Variants in MUC5B observed in about 807,000 individuals in gnomAD.
MUC5B encodes mucin 5B, oligomeric mucus/gel-forming, also known as mucin-5B.
MUC5B carries 116 observed loss-of-function variants against 376.9 expected under a neutral mutation model. The ratio of observed to expected loss-of-function variants is 0.31; its 90% CI spans 0.26 to 0.36. The LOEUF (loss-of-function observed/expected upper bound fraction) is 0.36, where lower values mean the gene tolerates loss of function less well. MUC5B is among the 10% of genes least tolerant of loss of function. The probability of loss-of-function intolerance (pLI) is 1.00; values close to 1 mark genes in which losing one functional copy is unlikely to be tolerated. For synonymous variants in MUC5B, 3,517 were observed against 3,390.9 expected (o/e 1.04, Z -1.29); for missense variants, 7,165 against 7,769.9 (o/e 0.92, Z 2.93).
At position 1,230,055 on chromosome 11, in the gene MUC5B, C is replaced by T; in HGVS notation, c.1271C>T (p.Thr424Ile). 3 of 1,611,348 alleles carry T rather than the reference C, an allele frequency of 1.9e-6. No individual in the cohort carries two copies. The highest frequency in any genetic ancestry group is 2.5e-6 in the Non-Finnish European group (3 of 1,179,254). ...WQCQDLPCPG[T>I]CSVQGGAHIS... ...TGCCAGGACCTGCCGTGCCCTGGCA[C>T]CTGCTCTGTGCAGGGCGGGGCCCAC... The change falls in exon 11 of 49, where the codon ACC (threonine) becomes ATC (isoleucine). Residue 424 changes from threonine to isoleucine, a missense_variant. Transcript: ENST00000529681.
Position 1,239,552 on chromosome 11 carries a change from T to C in MUC5B, c.3569T>C (p.Leu1190Pro), listed in dbSNP as rs1052339301. 1 of 1,580,804 alleles carries C rather than the reference T, an allele frequency of 6.3e-7. No homozygotes were observed. The highest frequency in any genetic ancestry group is 8.6e-7 in the Non-Finnish European group (1 of 1,159,154). Reference sequence around the variant, plus strand: ...CCCAGTGGGCACTGCCTGGTGGACCTGCCTGGCCTGGAAGGTGAGGGGCAG... The same window carrying C: ...CCCAGTGGGCACTGCCTGGTGGACCCGCCTGGCCTGGAAGGTGAGGGGCAG... ...RNPSGHCLVDLPGLEGCYPKC... is the reference protein window; with the variant it reads ...RNPSGHCLVDPPGLEGCYPKC... The change falls in exon 27 of 49, where the codon CTG (leucine) becomes CCG (proline). Residue 1190 changes from leucine (L) to proline (P), a missense_variant. Physicochemically the swap from Leu to Pro is moderately conservative, Grantham distance 98. Coordinates refer to ENST00000529681, the MANE Select transcript of MUC5B (RefSeq NM_002458.3).
Position 1,261,556 on chromosome 11 carries a change from T to C in MUC5B, c.17237T>C (p.Met5746Thr). The C allele has an allele frequency of 6.2e-7, 1 of 1,609,040 alleles. No homozygotes were observed. ...ACGCCCTTCTGTGTCCCTGCGCCCA[T>C]GGCTCCCCCACACACCCGTGGCTTC... ...GCTPFCVPAP[M>T]APPHTRGFPA... The change falls in exon 49 of 49, where the codon ATG becomes ACG. Residue 5746 changes from methionine to threonine, a missense_variant. Physicochemically the swap from Met to Thr is moderately conservative, Grantham distance 81. Coordinates refer to ENST00000529681, the MANE Select transcript of MUC5B (RefSeq NM_002458.3).
At position 1,226,290 on chromosome 11, in the gene MUC5B, GC is replaced by G. The variant is rs754726634; in HGVS notation, c.199+18del. ...CCAGCCTGAGCCGTAAGCAGATGCT[GC>G]CCCTGCCAGCCGGGAAGGGGGTGTT... is the stretch of plus-strand genomic sequence containing the variant. On this transcript the variant is annotated intron_variant, in intron 3 of 48. Coordinates refer to ENST00000529681, the MANE Select transcript of MUC5B (RefSeq NM_002458.3). 2 of 1,550,830 alleles carry G rather than the reference GC, an allele frequency of 1.3e-6. No individual in the cohort carries two copies. The highest frequency in any genetic ancestry group is 2.4e-5 in the South Asian group (2 of 84,108).
intron 31 of MUC5B, among the ~76,000 whole-genome samples, 191 bp downstream of exon 31, chr11:1,251,934 G>A (rs1230355068): frequency 4.3e-5 from 6 of 140,734 alleles, no homozygotes; most frequent in African/African-American, 1.1e-4. Flanking sequence ...CAATCCGTCC[G>A]CACTGGCCAC....
Position 1,259,616 on chromosome 11 carries a change from G to T in MUC5B, c.16714-140G>T, listed in dbSNP as rs937680313. On this transcript the variant is annotated intron_variant, in intron 44 of 48. Coordinates refer to ENST00000529681, the MANE Select transcript of MUC5B (RefSeq NM_002458.3). Reference sequence around the variant, plus strand: ...GCTGAGCCGGGATAACTGAGTGGGGGCAACTTCTTCGGGTATAGGCCCAGG... The same window carrying T: ...GCTGAGCCGGGATAACTGAGTGGGGTCAACTTCTTCGGGTATAGGCCCAGG... The T allele has an allele frequency of 1.3e-5, 10 of 770,262 alleles. 1 individual carries two copies. In the Admixed American group the frequency reaches 1.5e-4, roughly 12 times the overall value. 47.7% of individuals were successfully genotyped at this position (770,262 alleles called of 1,614,324 possible).
chr11:1,245,537 C>T lies in MUC5B; in HGVS notation c.8657C>T (p.Pro2886Leu). 6.5e-7 allele frequency: 1 copy of T among 1,550,310 alleles called. No individual in the cohort carries two copies. Among genetic ancestry groups the T allele is most frequent in the Non-Finnish European group, 8.7e-7 (1 of 1,146,420 alleles). ...TCAGAGTGGCTGGACTACAGCTACC[C>T]CATGCCGGGGCCCTCTGGCGGGGAC... ...AWSEWLDYSY[P>L]MPGPSGGDFD... The change falls in exon 31 of 49, where the codon CCC becomes CTC. Residue 2886 changes from proline (P) to leucine (L), a missense_variant. Transcript: ENST00000529681.
rs762094965 is a variant in MUC5B at position 1,246,692 on chromosome 11, C to T, written c.9812C>T (p.Pro3271Leu). The T allele has an allele frequency of 3.7e-6, 6 of 1,610,130 alleles. No homozygotes were observed. The African/African-American group carries it at 5.4e-5, about 14-fold the overall frequency. The change falls in exon 31 of 49, where the codon CCA (proline) becomes CTA (leucine). Residue 3271 changes from proline to leucine, a missense_variant. Physicochemically the swap from Pro to Leu is moderately conservative, Grantham distance 98 (BLOSUM62 -3). Transcript: ENST00000529681. ...TMSTATPSST[P>L]ETVHTSTVLT... ...TCCACAGCCACACCCTCCTCTACTC[C>T]AGAGACTGTCCACACCTCCACAGTG...
In MUC5B at chr11:1,244,581, C is replaced by A. The variant is rs770913515; in HGVS notation, c.7701C>A (p.Pro2567=). ...CGGCCACCATGTCCACAGCCACACC[C>A]TCCTCCACTCCAGAGACTGTCCACA... ...TPTATMSTAT[P]SSTPETVHTS... is the part of the protein sequence containing the mutation. Residue 2567 remains proline, a synonymous_variant, in exon 31 of 49, where the codon CCC becomes CCA. Transcript: ENST00000529681. The A allele has an allele frequency of 1.9e-6, 3 of 1,613,498 alleles. No individual in the cohort carries two copies. The highest frequency in any genetic ancestry group is 2.5e-6 in the Non-Finnish European group (3 of 1,179,680).
intron 14 of MUC5B, 36 bp downstream of exon 14, chr11:1,231,596 T>C (rs778083488): frequency 1.2e-5 from 18 of 1,541,566 alleles, no homozygotes; most frequent in Admixed American, 2.0e-5. Context: ...GACAGGGCCA[T>C]TGGGGACGGG....
At position 1,243,358 on chromosome 11, in the gene MUC5B, C is replaced by T. The variant is rs1862347320; in HGVS notation, c.6478C>T (p.Pro2160Ser). Residue 2160 changes from proline to serine, a missense_variant, in exon 31 of 49, where the codon CCA becomes TCA. Around this residue, in one of 31 missense-constraint regions of MUC5B, gnomAD observed 897 missense variants for 779.6 expected, o/e 1.15. Coordinates refer to ENST00000529681, the MANE Select transcript of MUC5B (RefSeq NM_002458.3). ...SSTPGTTPIP[P>S]VLTTTATTPA... ...AACTCCTGGGACAACTCCCATCCCC[C>T]CAGTGCTGACCACCACCGCCACCAC... The T allele has an allele frequency of 3.2e-6, 5 of 1,558,498 alleles. No homozygotes were observed. Among genetic ancestry groups the T allele is most frequent in the Non-Finnish European group, 4.3e-6 (5 of 1,151,550 alleles).
In MUC5B at chr11:1,254,057, C is replaced by T. The variant is rs370009379; in HGVS notation, c.15218-35C>T. 4.5e-5 allele frequency: 72 copies of T among 1,594,728 alleles called. No homozygotes were observed. In the East Asian group the frequency reaches 5.0e-4, roughly 11 times the overall value. On this transcript the variant is annotated intron_variant, in intron 33 of 48. Coordinates refer to ENST00000529681, the MANE Select transcript of MUC5B (RefSeq NM_002458.3). ...CGCCTGGGGAGCGAGGGCACCACCA[C>T]GGAGCCTGCCAGCCCGTCCATCTCT... is the stretch of plus-strand genomic sequence containing the variant.
At chr11:1,233,980 TGCCACAGGCACC>T in intron 19 of MUC5B, 132 bp downstream of exon 19, 2 of 975,930 alleles carry the variant, frequency 2.0e-6, no homozygotes, top group Non-Finnish European at 1.6e-6. Context: ...ACCTGGGCTC[TGCCACAGGCACC>T]CATGCCCTGA....
chr11:1,252,264 C>T, intron 31 of MUC5B, 79 bp from the exon 32 acceptor site: 1 of 1,411,028 alleles, frequency 7.1e-7, no homozygotes. Flanking sequence ...CTGCGCTGAC[C>T]TCTGCCTTTG....
Position 1,250,099 on chromosome 11 carries a change from C to G in MUC5B, c.13219C>G (p.Pro4407Ala). ...AGCCACTACAACTGCAGCCACTGGC[C>G]CCACGGCCACCCCGTCCTCCACCCC... ...TAATTTAATG[P>A]TATPSSTPGT... Residue 4407 changes from proline (P) to alanine (A), a missense_variant, in exon 31 of 49, where the codon CCC becomes GCC. Pro to Ala is a conservative substitution (Grantham distance 27). Around this residue, in one of 31 missense-constraint regions of MUC5B, gnomAD observed 431 missense variants for 390.4 expected, o/e 1.10. Coordinates refer to ENST00000529681, the MANE Select transcript of MUC5B (RefSeq NM_002458.3). 6.3e-7 allele frequency: 1 copy of G among 1,592,890 alleles called. No homozygotes were observed. Among genetic ancestry groups the G allele is most frequent in the Non-Finnish European group, 8.6e-7 (1 of 1,168,870 alleles).
Position 1,247,224 on chromosome 11 carries a change from G to T in MUC5B, c.10344G>T (p.Pro3448=), listed in dbSNP as rs769320671. ...GGACCACCCACACACCCCCAGTGCC[G>T]AACACCACGGCCACCACACACGGGC... ...ALGTTHTPPV[P]NTTATTHGRS... Residue 3448 remains proline, a synonymous_variant, in exon 31 of 49, where the codon CCG becomes CCT. Transcript: ENST00000529681. The T allele has an allele frequency of 3.2e-6, 5 of 1,572,176 alleles. No individual in the cohort carries two copies. The African/African-American group carries it at 6.8e-5, about 21-fold the overall frequency.
At chr11:1,239,631 C>G in intron 27 of MUC5B, 65 bp downstream of exon 27, 5 of 1,518,946 alleles carry the variant, frequency 3.3e-6, no homozygotes, top group Non-Finnish European at 4.4e-6. Context: ...CGTGGGGGGG[C>G]GGGGATCCCC....
At position 1,244,706 on chromosome 11, in the gene MUC5B, T is replaced by C. The variant is rs2943496; in HGVS notation, c.7826T>C (p.Leu2609Pro). Residue 2609 changes from leucine (L) to proline (P), a missense_variant, in exon 31 of 49, where the codon CTG becomes CCG. Physicochemically the swap from Leu to Pro is moderately conservative, Grantham distance 98. This residue lies in a region of MUC5B where 141 missense variants were observed against 111.2 expected (regional missense o/e 1.27). Transcript: ENST00000529681. ...GGAACAGCTCACACTACCAAAGTGC[T>C]GACTACCACAACCACGGGCTTCACA... is the stretch of plus-strand genomic sequence containing the variant. The part of the protein sequence containing the change: ...TPGTAHTTKV[L>P]TTTTTGFTAT... 37,756 of 1,602,980 alleles carry C rather than the reference T, an allele frequency of 0.024. 690 individuals are homozygous for C. Among genetic ancestry groups the C allele is most frequent in the Middle Eastern group, 0.028 (166 of 5,946 alleles).
intron 33 of MUC5B, 30 bp from the exon 34 acceptor site, chr11:1,254,062 C>G (rs747748438): frequency 2.6e-5 from 42 of 1,597,966 alleles, no homozygotes; most frequent in South Asian, 2.2e-5. Context: ...CACCACGGAG[C>G]CTGCCAGCCC....
intron 1 of MUC5B, among the ~76,000 whole-genome samples, chr11:1,223,650 G>A (rs1357903241): frequency 6.6e-6 from 1 of 152,180 alleles, no homozygotes; most frequent in Non-Finnish European, 1.5e-5. Context: ...GGCAGGGCAG[G>A]TGAGGGTACC....
Sources: gnomAD v4.1 joint callset for allele counts (sites outside exome capture counted in the v4.1 genomes callset) on GRCh38, gnomAD v4.1.1 for gene constraint, gnomAD v4.1.1 regional missense constraint, MANE v1.5 for transcripts, NCBI Gene and HGNC (gene_info 2026-07-23, HGNC 2026-07-21) for gene names.